TOX2: variants seen among roughly 807,000 people sequenced by gnomAD.
TOX2 encodes granulosa cell HMG box 1.
In TOX2, 15 loss-of-function variants were observed where a neutral mutation model predicts 47.4. The observed-to-expected ratio is 0.32, with a 90% CI of 0.21 to 0.49. The LOEUF (loss-of-function observed/expected upper bound fraction) is 0.49, where lower values mean the gene tolerates loss of function less well. Among genes scored for constraint, TOX2 ranks in the 20% least tolerant of loss-of-function variants. TOX2 has a pLI of 0.99. For synonymous variants in TOX2, 290 were observed against 296.6 expected (o/e 0.98, Z 0.23); for missense variants, 622 against 673.1 (o/e 0.92, Z 0.84).
intron 2 of TOX2, among the ~76,000 whole-genome samples, chr20:43,995,618 G>T (rs549010035): frequency 2.0e-5 from 3 of 152,188 alleles, no homozygotes; most frequent in Non-Finnish European, 2.9e-5. Flanking sequence ...TGTCACCCAG[G>T]TATTCAGCCT....
intron 1 of TOX2, chr20:43,945,942 G>A (rs368491926): frequency 3.7e-6 from 6 of 1,613,658 alleles, no homozygotes; most frequent in African/African-American, 2.7e-5. Flanking sequence ...AGGCTGTCGC[G>A]GGCGCGTTCT....
chr20:43,994,997 TA>T (rs1179152205), intron 2 of TOX2, among the ~76,000 whole-genome samples: 1 of 152,120 alleles, frequency 6.6e-6, no homozygotes, highest in Non-Finnish European at 1.5e-5. Flanking sequence ...TGCCTGTAGA[TA>T]AAGGCTGAGA....
intron 1 of TOX2, among the ~76,000 whole-genome samples, chr20:43,932,856 C>T (rs575412048): frequency 4.0e-5 from 6 of 151,842 alleles, no homozygotes; most frequent in Non-Finnish European, 7.4e-5. Context: ...TGCTTCCCTC[C>T]GTGCATCCTC....
chr20:43,921,959 C>T lies in TOX2; in HGVS notation c.99+6969C>T, dbSNP rs193138646. Among the ~76,000 whole-genome samples, 6 of 152,216 alleles carry T rather than the reference C, an allele frequency of 3.9e-5. No homozygotes were observed. In the East Asian group the frequency reaches 1.2e-3, roughly 29 times the overall value. The stretch of plus-strand genomic sequence containing the variant: ...GAATTGGGAGAGAGTTGCTCATTTC[C>T]TCCACCTTCTGTTACCTTCTTGAAT... On this transcript the variant is annotated intron_variant, in intron 1 of 8. Coordinates refer to ENST00000341197, the MANE Select transcript of TOX2 (RefSeq NM_001098797.2).
At chr20:43,969,019 C>T (rs566888741) in intron 1 of TOX2, among the ~76,000 whole-genome samples, 87 of 152,334 alleles carry the variant, frequency 5.7e-4, no homozygotes, top group South Asian at 2.9e-3. Flanking sequence ...TTTGTGTTCA[C>T]ATTTGTGTGA....
intron 1 of TOX2, among the ~76,000 whole-genome samples, chr20:43,958,028 A>C (rs1169057218): frequency 6.6e-6 from 1 of 152,172 alleles, no homozygotes; most frequent in Non-Finnish European, 1.5e-5. Context: ...TTGGGTGGGG[A>C]CATAGAGCTA....
intron 1 of TOX2, among the ~76,000 whole-genome samples, chr20:43,970,645 A>G (rs1227486924): frequency 6.6e-6 from 1 of 152,254 alleles, no homozygotes; most frequent in Non-Finnish European, 1.5e-5. Context: ...AAAAAATTTT[A>G]CTTTTGTCAA....
chr20:44,049,062 C>T (rs548201418), intron 3 of TOX2, among the ~76,000 whole-genome samples: 1 of 152,340 alleles, frequency 6.6e-6, no homozygotes, highest in African/African-American at 2.4e-5. Flanking sequence ...GAGCCAAGAT[C>T]GCGCCACTGC....
At chr20:43,938,088 A>G (rs1038722605) in intron 1 of TOX2, among the ~76,000 whole-genome samples, 5 of 152,164 alleles carry the variant, frequency 3.3e-5, no homozygotes, top group African/African-American at 9.7e-5. Context: ...CCTTCAGTCT[A>G]ATGCTTGTGG....
At chr20:44,015,468 G>A (rs971784739) in intron 3 of TOX2, among the ~76,000 whole-genome samples, 1 of 152,166 alleles carries the variant, frequency 6.6e-6, no homozygotes, top group Non-Finnish European at 1.5e-5. Context: ...AAAGATTTAT[G>A]TAACACATTT....
chr20:43,980,980 G>A (rs2070160117), intron 2 of TOX2, among the ~76,000 whole-genome samples: 2 of 152,140 alleles, frequency 1.3e-5, no homozygotes, highest in Non-Finnish European at 2.9e-5. Flanking sequence ...CCTTATACAT[G>A]AAGACTTGCT....
Position 43,915,869 on chromosome 20 carries a change from C to T in TOX2, c.99+879C>T, listed in dbSNP as rs1316665166. Among the ~76,000 whole-genome samples the T allele has an allele frequency of 6.6e-6, 1 of 152,250 alleles. No homozygotes were observed. The highest frequency in any genetic ancestry group is 1.5e-5 in the Non-Finnish European group (1 of 68,044). ...TGTTTCCAGGATCTATCCCCCCACCCCAGCCAGGTCCCAGCTGCGCTGCGC... is the reference window on the plus strand; with the variant it reads ...TGTTTCCAGGATCTATCCCCCCACCTCAGCCAGGTCCCAGCTGCGCTGCGC... On this transcript the variant is annotated intron_variant, in intron 1 of 8. Coordinates refer to ENST00000341197, the MANE Select transcript of TOX2 (RefSeq NM_001098797.2). This position sits in a 1 kb window ranked among gnomAD's most constrained non-coding sequence, Gnocchi z 7.1.
chr20:43,930,571 C>T (rs1350923362), intron 1 of TOX2, among the ~76,000 whole-genome samples: 2 of 152,116 alleles, frequency 1.3e-5, no homozygotes, highest in Non-Finnish European at 2.9e-5. Context: ...GAATGATGAC[C>T]TTGCCTTTGT....
At chr20:44,018,315 G>T (rs1189212570) in intron 3 of TOX2, among the ~76,000 whole-genome samples, 1 of 152,196 alleles carries the variant, frequency 6.6e-6, no homozygotes, top group Non-Finnish European at 1.5e-5. Flanking sequence ...CAAGGGCCAG[G>T]TGTTTAACTT....
chr20:43,994,007 TA>T (rs2070418526), intron 2 of TOX2, among the ~76,000 whole-genome samples: 1 of 151,416 alleles, frequency 6.6e-6, no homozygotes, highest in Admixed American at 6.6e-5. Flanking sequence ...TAAAAAATAG[TA>T]GGACATGGTG....
intron 3 of TOX2, among the ~76,000 whole-genome samples, chr20:44,023,927 C>A (rs1216161680): frequency 6.6e-6 from 1 of 152,224 alleles, no homozygotes. Flanking sequence ...GCACTCACCC[C>A]CTTCCCTCCT....
chr20:44,043,507 T>G (rs1255774918), intron 3 of TOX2, among the ~76,000 whole-genome samples: 6 of 152,222 alleles, frequency 3.9e-5, no homozygotes. Flanking sequence ...GGCATTATAC[T>G]GTATGTGTCC....
At chr20:43,998,186 C>T (rs1359081836) in intron 2 of TOX2, among the ~76,000 whole-genome samples, 1 of 152,180 alleles carries the variant, frequency 6.6e-6, no homozygotes, top group Non-Finnish European at 1.5e-5. Context: ...CTTGTGAGAA[C>T]TTACTTACTG....
intron 3 of TOX2, among the ~76,000 whole-genome samples, chr20:44,041,122 A>G (rs564448865): frequency 5.9e-5 from 9 of 152,160 alleles, no homozygotes; most frequent in Non-Finnish European, 1.3e-4. Flanking sequence ...GGCTGATTCC[A>G]CAGGGAGCCC....
Sources: allele counts gnomAD v4.1 joint callset (sites outside exome capture counted in the v4.1 genomes callset), GRCh38; gene constraint gnomAD v4.1.1; non-coding constraint Gnocchi (gnomAD v3.1); transcripts MANE v1.5; gene names NCBI Gene and HGNC (gene_info 2026-07-23, HGNC 2026-07-21).